Variants in PHF14 observed in about 807,000 individuals in gnomAD.
The protein encoded by PHF14 is PHD finger protein 14.
PHF14 carries 55 observed loss-of-function variants against 117.9 expected under a neutral mutation model. The ratio of observed to expected loss-of-function variants is 0.47; its 90% confidence interval spans 0.38 to 0.58. The LOEUF (loss-of-function observed/expected upper bound fraction) is 0.58. Ranked by LOEUF, PHF14 falls within the 20% of genes least tolerant of loss-of-function variation. The pLI, the probability that PHF14 is intolerant of heterozygous loss-of-function variation, is 0.00. For missense variants in PHF14, 978 were observed against 1,122.2 expected, an observed-to-expected ratio of 0.87 and a Z score of 1.84; for synonymous variants, 409 against 368.6, an observed-to-expected ratio of 1.11 and a Z score of -1.26.
intron 7 of PHF14, among the ~76,000 whole-genome samples, chr7:11,030,655 A>T (rs979298559): frequency 6.6e-6 from 1 of 152,160 alleles, no homozygotes; most frequent in Non-Finnish European, 1.5e-5. Context: ...ATTTACAGGG[A>T]AACAGATACA....
chr7:11,126,998 C>T (rs1787946451), intron 17 of PHF14, among the ~76,000 whole-genome samples: 1 of 152,068 alleles, frequency 6.6e-6, no homozygotes, highest in South Asian at 2.1e-4. Context: ...CAGAAATGAG[C>T]TCGATTCCTT....
chr7:11,153,747 C>T (rs967374070), intron 17 of PHF14, among the ~76,000 whole-genome samples: 1 of 152,056 alleles, frequency 6.6e-6, no homozygotes, highest in Non-Finnish European at 1.5e-5. Context: ...ATTTCATACC[C>T]TGTATATTCA....
chr7:11,043,784 A>G (rs964750105), intron 13 of PHF14, among the ~76,000 whole-genome samples: 2 of 152,148 alleles, frequency 1.3e-5, no homozygotes, highest in African/African-American at 4.8e-5. Flanking sequence ...AAACTGCTAT[A>G]GCATATTCAA....
At chr7:11,003,007 C>T (rs974416609) in intron 4 of PHF14, among the ~76,000 whole-genome samples, 6 of 151,942 alleles carry the variant, frequency 3.9e-5, no homozygotes, top group African/African-American at 1.5e-4. Flanking sequence ...AGTGCAGTGG[C>T]ATGATCTCCG....
intron 4 of PHF14, chr7:11,006,626 G>T: frequency 1.6e-6 from 1 of 616,364 alleles, no homozygotes; most frequent in Non-Finnish European, 3.1e-6. Flanking sequence ...CAGACTCAGT[G>T]GTCAGCAGAA....
intron 14 of PHF14, among the ~76,000 whole-genome samples, chr7:11,055,313 A>G: frequency 6.6e-6 from 1 of 152,272 alleles, no homozygotes; most frequent in Middle Eastern, 3.4e-3. Flanking sequence ...GAAAGCTTTC[A>G]GATTTTCTTT....
intron 6 of PHF14, among the ~76,000 whole-genome samples, chr7:11,028,173 T>A (rs1783989768): frequency 6.6e-6 from 1 of 152,180 alleles, no homozygotes; most frequent in Non-Finnish European, 1.5e-5. Flanking sequence ...AGCCTACACT[T>A]GAACACAATC....
intron 14 of PHF14, among the ~76,000 whole-genome samples, chr7:11,052,458 A>C (rs946324390): frequency 1.3e-5 from 2 of 152,150 alleles, no homozygotes; most frequent in Non-Finnish European, 2.9e-5. Context: ...ATTCCTATAA[A>C]TATCTCCTGC....
chr7:11,017,859 T>C (rs1292667109), intron 5 of PHF14, among the ~76,000 whole-genome samples: 2 of 152,192 alleles, frequency 1.3e-5, no homozygotes, highest in African/African-American at 4.8e-5. Flanking sequence ...TGTCCTGGAT[T>C]CCCCAATGTT....
At chr7:11,012,900 A>G (rs2128316013) in intron 4 of PHF14, among the ~76,000 whole-genome samples, 1 of 152,316 alleles carries the variant, frequency 6.6e-6, no homozygotes, top group East Asian at 1.9e-4. Context: ...AGTCTGTCTA[A>G]TGTTACTACT....
chr7:11,145,166 G>A (rs932963761), intron 17 of PHF14, among the ~76,000 whole-genome samples: 1 of 151,750 alleles, frequency 6.6e-6, no homozygotes, highest in African/African-American at 2.4e-5. Context: ...GGGTTCAGGT[G>A]GCAGAGGAAC....
intron 2 of PHF14, among the ~76,000 whole-genome samples, chr7:10,980,281 T>C (rs1782007828): frequency 6.6e-6 from 1 of 152,266 alleles, no homozygotes; most frequent in African/African-American, 2.4e-5. Context: ...TTTTCTTTCA[T>C]CTTCATCTCC....
chr7:11,062,718 C>G, intron 16 of PHF14: 1 of 985,114 alleles, frequency 1.0e-6, no homozygotes, highest in African/African-American at 1.7e-5. Context: ...ATTGGCTTTT[C>G]CCAACGGTCC....
intron 16 of PHF14, among the ~76,000 whole-genome samples, chr7:11,085,885 A>G (rs1340200586): frequency 6.6e-6 from 1 of 151,874 alleles, no homozygotes; most frequent in Non-Finnish European, 1.5e-5. Flanking sequence ...GCAAAACATA[A>G]TAGTTTAAAA....
chr7:11,159,709 A>G (rs900063792), intron 17 of PHF14, among the ~76,000 whole-genome samples: 4 of 152,124 alleles, frequency 2.6e-5, no homozygotes, highest in South Asian at 2.1e-4. Flanking sequence ...GGATCTCTGT[A>G]TTATTTCTTT....
intron 2 of PHF14, among the ~76,000 whole-genome samples, chr7:10,978,928 A>G (rs1033706972): frequency 1.3e-5 from 2 of 152,190 alleles, no homozygotes; most frequent in Non-Finnish European, 2.9e-5. Context: ...TTCAAGACAT[A>G]TACGGTTTTG....
At chr7:11,089,556 G>A (rs910573672) in intron 16 of PHF14, among the ~76,000 whole-genome samples, 4 of 152,068 alleles carry the variant, frequency 2.6e-5, no homozygotes, top group African/African-American at 9.7e-5. Flanking sequence ...CAAAAAAGGT[G>A]TAATAAGTAA....
chr7:11,006,263 T>G, intron 4 of PHF14: 1 of 368,138 alleles, frequency 2.7e-6, no homozygotes, highest in South Asian at 2.1e-5. Context: ...TTATTAAGAA[T>G]GAAGTTTGGC....
At chr7:11,027,256 G>T (rs1783952616) in intron 6 of PHF14, among the ~76,000 whole-genome samples, 1 of 152,018 alleles carries the variant, frequency 6.6e-6, no homozygotes, top group South Asian at 2.1e-4. Flanking sequence ...TGTTTAGATT[G>T]CTATTTGCCA....
Sources: allele counts gnomAD v4.1 joint callset (sites outside exome capture counted in the v4.1 genomes callset), GRCh38; gene constraint gnomAD v4.1.1; transcripts MANE v1.5; gene names NCBI Gene and HGNC (gene_info 2026-07-23, HGNC 2026-07-21).